The following TNFSF12 variants were observed in gnomAD, a reference collection of about 807,000 sequenced individuals.
The protein encoded by TNFSF12 is TNF superfamily member 12.
TNFSF12 carries 16 observed loss-of-function variants against 31.2 expected under a neutral mutation model. That is an observed-to-expected ratio of 0.51 (90% CI 0.35 to 0.78). The LOEUF (loss-of-function observed/expected upper bound fraction) is 0.78. TNFSF12 is among the 30% of genes least tolerant of loss of function. The probability of loss-of-function intolerance (pLI) is 0.01; values close to 1 mark genes in which losing one functional copy is unlikely to be tolerated. For synonymous variants in TNFSF12, 150 were observed against 151.4 expected, an observed-to-expected ratio of 0.99 and a Z score of 0.07; for missense variants, 324 against 338.8, an observed-to-expected ratio of 0.96 and a Z score of 0.34.
In TNFSF12 at chr17:7,557,699, C is replaced by G; in HGVS notation, c.*349C>G. 9.1e-6 allele frequency: 2 copies of G among 220,154 alleles called. No homozygotes were observed. Among genetic ancestry groups the G allele is most frequent in the Non-Finnish European group, 1.8e-5 (2 of 111,298 alleles). The allele number at this position is 220,154 out of a possible 1,614,324, so 13.6% of individuals were successfully genotyped here. ...GGTCCAGAAGACCCCACTTCAGGCA[C>G]TAAGAGGGGCTGGACCTGGCGGCAG... On this transcript the variant is annotated 3_prime_UTR_variant, in exon 7 of 7. Coordinates refer to ENST00000293825, the MANE Select transcript of TNFSF12 (RefSeq NM_003809.3). This position sits in a 1 kb window ranked among gnomAD's most constrained non-coding sequence, Gnocchi z 5.2.
chr17:7,553,023 C>CTTTTTTTTTTTTTT (rs71159509), intron 5 of TNFSF12, among the ~76,000 whole-genome samples: 5 of 66,056 alleles, frequency 7.6e-5, no homozygotes, highest in African/African-American at 3.6e-4. Flanking sequence ...CAGGGACAAC[C>CTTTTTTTTTTTTTT]TTTTTTTTTT....
chr17:7,550,848 T>G lies in TNFSF12; in HGVS notation c.333T>G (p.Tyr111Ter). Residue 111 changes from tyrosine to a stop codon, truncating the protein, a stop_gained, in exon 4 of 7, where the codon TAT (tyrosine) becomes TAG (stop). Transcript: ENST00000293825. LOFTEE classifies it high-confidence loss of function. The surrounding 1 kb of genome is among the most constrained non-coding windows in gnomAD (Gnocchi z 4.4). ...TRARRAIAAHYEVHPRPGQDG... is the reference protein window; with the variant it reads ...TRARRAIAAH Reference sequence around the variant, plus strand: ...CTCGAAGAGCGATCGCAGCCCATTATGAAGGTGGGTGATGGGTGAGCCATA... The same window carrying G: ...CTCGAAGAGCGATCGCAGCCCATTAGGAAGGTGGGTGATGGGTGAGCCATA... The G allele has an allele frequency of 6.2e-7, 1 of 1,612,908 alleles. No individual in the cohort carries two copies. The highest frequency in any genetic ancestry group is 1.1e-5 in the South Asian group (1 of 91,038).
rs1015442179 is a variant in TNFSF12 at position 7,549,818 on chromosome 17, G to A, written c.207+297G>A. 2 of 607,760 alleles carry A rather than the reference G, an allele frequency of 3.3e-6. No individual in the cohort carries two copies. Among genetic ancestry groups the A allele is most frequent in the African/African-American group, 3.7e-5 (2 of 54,024 alleles). 37.6% of individuals were successfully genotyped at this position (607,760 alleles called of 1,614,324 possible). ...AGAGGGGTGCGGTTGTGTACAGGGT[G>A]TGTATCCTCTGTGCGTGGTGACTGG... On this transcript the variant is annotated intron_variant, in intron 2 of 6. Coordinates refer to ENST00000293825, the MANE Select transcript of TNFSF12 (RefSeq NM_003809.3). The surrounding 1 kb of genome is among the most constrained non-coding windows in gnomAD (Gnocchi z 4.1).
Position 7,550,065 on chromosome 17 carries a change from G to GTCTCACTTTATATCTC in TNFSF12, c.208-53_208-38dup. On this transcript the variant is annotated intron_variant, in intron 2 of 6. Coordinates refer to ENST00000293825, the MANE Select transcript of TNFSF12 (RefSeq NM_003809.3). The surrounding 1 kb of genome is among the most constrained non-coding windows in gnomAD (Gnocchi z 4.4). The stretch of plus-strand genomic sequence containing the variant: ...GTGGCTCTCCTGACAGGCCCCGTAT[G>GTCTCACTTTATATCTC]TCTCACTTTATATCTCTGGGAGTCT... The GTCTCACTTTATATCTC allele has an allele frequency of 6.2e-7, 1 of 1,613,550 alleles. No individual in the cohort carries two copies.
chr17:7,551,703 T>G (rs2071003124), intron 5 of TNFSF12, among the ~76,000 whole-genome samples: 1 of 152,176 alleles, frequency 6.6e-6, no homozygotes, highest in African/African-American at 2.4e-5. Context: ...GAGAAGTGGA[T>G]GGGTTCAGCC....
At chr17:7,552,390 C>T (rs78608249) in intron 5 of TNFSF12, among the ~76,000 whole-genome samples, 37,024 of 144,498 alleles carry the variant, frequency 0.26, 4,915 homozygotes, top group East Asian at 0.39. Flanking sequence ...TGCAGTGGTT[C>T]GATCTTGGCT....
At chr17:7,553,199 G>A (rs972475034) in intron 5 of TNFSF12, among the ~76,000 whole-genome samples, 2 of 151,788 alleles carry the variant, frequency 1.3e-5, no homozygotes, top group African/African-American at 2.4e-5. Context: ...ACAGGCATGC[G>A]CCACCACGCC....
chr17:7,552,019 C>T (rs1379126929), intron 5 of TNFSF12, among the ~76,000 whole-genome samples: 1 of 152,120 alleles, frequency 6.6e-6, no homozygotes, highest in African/African-American at 2.4e-5. Context: ...CTCTTGACCT[C>T]CAGTGATCTG....
intron 5 of TNFSF12, among the ~76,000 whole-genome samples, 171 bp downstream of exon 5, chr17:7,551,149 T>G (rs1567720534): frequency 6.6e-6 from 1 of 152,050 alleles, no homozygotes; most frequent in Non-Finnish European, 1.5e-5. Context: ...AGACCCCTAC[T>G]CTTCCCCAGA....
chr17:7,553,126 C>T (rs866905861), intron 5 of TNFSF12, among the ~76,000 whole-genome samples: 8 of 146,370 alleles, frequency 5.5e-5, no homozygotes, highest in South Asian at 2.2e-4. Context: ...CTCGGCTGAC[C>T]GTAACCTCCA....
At chr17:7,554,407 G>A (rs1430697984) in intron 5 of TNFSF12, among the ~76,000 whole-genome samples, 1 of 148,600 alleles carries the variant, frequency 6.7e-6, no homozygotes, top group Non-Finnish European at 1.5e-5. Flanking sequence ...TCCGCCTCCT[G>A]GGTTCATGCC....
intron 5 of TNFSF12, among the ~76,000 whole-genome samples, chr17:7,554,467 C>T (rs2071036649): frequency 6.6e-6 from 1 of 151,450 alleles, no homozygotes; most frequent in Admixed American, 6.6e-5. Context: ...GCGCCCGCCA[C>T]CACGCCTGGC....
At chr17:7,554,896 C>A (rs1597826871) in intron 5 of TNFSF12, among the ~76,000 whole-genome samples, 1 of 152,156 alleles carries the variant, frequency 6.6e-6, no homozygotes, top group African/African-American at 2.4e-5. Flanking sequence ...GGATTACAGG[C>A]GTGAGCCACT....
At position 7,557,550 on chromosome 17, in the gene TNFSF12, C is replaced by T. The variant is rs1567723334; in HGVS notation, c.*200C>T. On this transcript the variant is annotated 3_prime_UTR_variant, in exon 7 of 7. Transcript: ENST00000293825. The surrounding 1 kb of genome is among the most constrained non-coding windows in gnomAD (Gnocchi z 5.2). ...CCACTCTTATCTTACAACTCCCCCA[C>T]CGCCCACTCTCCACCTCACTAGCTC... 1.2e-5 allele frequency: 9 copies of T among 735,134 alleles called. No individual in the cohort carries two copies. The Middle Eastern group carries it at 2.0e-3, about 162-fold the overall frequency. 45.5% of individuals were successfully genotyped at this position (735,134 alleles called of 1,614,324 possible).
Position 7,549,535 on chromosome 17 carries a change from G to T in TNFSF12, c.207+14G>T. The T allele has an allele frequency of 6.5e-7, 1 of 1,544,860 alleles. No individual in the cohort carries two copies. Among genetic ancestry groups the T allele is most frequent in the East Asian group, 2.4e-5 (1 of 41,928 alleles). ...CAGGACCCGTCGGTGAGTGGGCGTG[G>T]GCGCGGTCTGCAGGCTGCTGGGGCA... On this transcript the variant is annotated intron_variant, in intron 2 of 6. Transcript: ENST00000293825. The surrounding 1 kb of genome is among the most constrained non-coding windows in gnomAD (Gnocchi z 4.1).
Position 7,553,736 on chromosome 17 carries a change from C to A in TNFSF12, c.373+2758C>A. Reference sequence around the variant, plus strand: ...GGGTGAGGGGTCCATGCAGGGGCCACATCCAAAAAGGGGAGAGGGAAGTTT... The same window carrying A: ...GGGTGAGGGGTCCATGCAGGGGCCAAATCCAAAAAGGGGAGAGGGAAGTTT... On this transcript the variant is annotated intron_variant, in intron 5 of 6. Coordinates refer to ENST00000293825, the MANE Select transcript of TNFSF12 (RefSeq NM_003809.3). 14 of 1,243,790 alleles carry A rather than the reference C, an allele frequency of 1.1e-5. No homozygotes were observed. In the Admixed American group the frequency reaches 1.1e-4, roughly 10 times the overall value. The allele number at this position is 1,243,790 out of a possible 1,614,324, so 77.0% of individuals were successfully genotyped here. A position where few individuals can be genotyped will look rare whatever the true frequency, so the allele number is the denominator to read the frequency against.
At chr17:7,551,005 CT>C (rs1251587610) in intron 5 of TNFSF12, 27 bp downstream of exon 5, 1 of 1,613,030 alleles carries the variant, frequency 6.2e-7, no homozygotes, top group Admixed American at 1.7e-5. Flanking sequence ...CGACACAGCA[CT>C]GGCCTCCTGG....
chr17:7,556,748 G>A (rs764312968), intron 5 of TNFSF12, 30 bp from the exon 6 acceptor site: 13 of 1,482,690 alleles, frequency 8.8e-6, no homozygotes, highest in Admixed American at 7.4e-5. Context: ...GTAGAGAGAC[G>A]TTTCCTTATC....
rs2070995050 is a variant in TNFSF12, at chr17:7,550,969, G to A, written c.364G>A (p.Ala122Thr). The change falls in exon 5 of 7, where the codon GCG (alanine) becomes ACG (threonine). Residue 122 changes from alanine (A) to threonine (T), a missense_variant. By Grantham distance (58) the Ala-to-Thr change is moderately conservative. Transcript: ENST00000293825. The surrounding 1 kb of genome is among the most constrained non-coding windows in gnomAD (Gnocchi z 4.4). Reference sequence around the variant, plus strand: ...TCATCCACGACCTGGACAGGACGGAGCGCAGGCAGGTGAGACCCCATCCCC... The same window carrying A: ...TCATCCACGACCTGGACAGGACGGAACGCAGGCAGGTGAGACCCCATCCCC... Reference protein sequence around the residue: ...EVHPRPGQDGAQAGVDGTVSG... With the variant: ...EVHPRPGQDGTQAGVDGTVSG... 7 of 1,613,950 alleles carry A rather than the reference G, an allele frequency of 4.3e-6. No homozygotes were observed. The highest frequency in any genetic ancestry group is 5.9e-6 in the Non-Finnish European group (7 of 1,180,014).
Sources: gnomAD v4.1 joint callset for allele counts (sites outside exome capture counted in the v4.1 genomes callset) on GRCh38, gnomAD v4.1.1 for gene constraint, Gnocchi (gnomAD v3.1) non-coding constraint, MANE v1.5 for transcripts, NCBI Gene and HGNC (gene_info 2026-07-23, HGNC 2026-07-21) for gene names.